Variants in CTNND2 observed in about 807,000 individuals in gnomAD.
CTNND2 encodes the protein catenin delta 2.
CTNND2 carries 22 observed loss-of-function variants against 144.4 expected under a neutral mutation model. That is an observed-to-expected ratio of 0.15 (90% CI 0.11 to 0.22). The LOEUF is 0.22. Among genes scored for constraint, CTNND2 ranks in the 10% least tolerant of loss-of-function variants. CTNND2 has a pLI of 1.00. For missense variants in CTNND2, 1,353 were observed against 1,618.8 expected, an observed-to-expected ratio of 0.84 and a Z score of 2.82; for synonymous variants, 751 against 695.6, an observed-to-expected ratio of 1.08 and a Z score of -1.25.
intron 2 of CTNND2, among the ~76,000 whole-genome samples, chr5:11,730,773 T>C (rs61763028): frequency 0.011 from 1,652 of 152,342 alleles, 35 homozygotes; most frequent in African/African-American, 0.037. Flanking sequence ...AATTACTTTA[T>C]GTCCTTGTGA....
chr5:11,057,749 A>T (rs1289643673), intron 16 of CTNND2, among the ~76,000 whole-genome samples: 1 of 152,236 alleles, frequency 6.6e-6, no homozygotes, highest in Non-Finnish European at 1.5e-5. Flanking sequence ...AGATAGAAAA[A>T]TATGGGAAAG....
At chr5:11,060,805 G>A (rs1746877297) in intron 16 of CTNND2, among the ~76,000 whole-genome samples, 1 of 152,272 alleles carries the variant, frequency 6.6e-6, no homozygotes, top group Non-Finnish European at 1.5e-5. Context: ...TTATTCCAAA[G>A]TAAAAATGAA....
chr5:11,063,545 A>C (rs1747227463), intron 16 of CTNND2, among the ~76,000 whole-genome samples: 1 of 142,082 alleles, frequency 7.0e-6, no homozygotes, highest in African/African-American at 3.0e-5. Context: ...CATAAAATAC[A>C]TTAATCAGGG....
chr5:11,745,851 C>T lies in CTNND2; in HGVS notation c.38-13579G>A, dbSNP rs180868150. Among the ~76,000 whole-genome samples, 8 of 152,224 alleles carry T rather than the reference C, an allele frequency of 5.3e-5. No individual in the cohort carries two copies. In the East Asian group the frequency reaches 1.3e-3, roughly 26 times the overall value. On this transcript the variant is annotated intron_variant, in intron 1 of 21. Transcript: ENST00000304623. The stretch of plus-strand genomic sequence containing the variant: ...ACAGAGGTTTCCAAACTTTCTTTGA[C>T]AGAAAATGTGTTTTAACTCATGGCC...
At chr5:11,186,641 G>A (rs1366404696) in intron 11 of CTNND2, among the ~76,000 whole-genome samples, 1 of 152,214 alleles carries the variant, frequency 6.6e-6, no homozygotes, top group Non-Finnish European at 1.5e-5. Context: ...TGTTGGTCCT[G>A]TTAAAGTAGA....
chr5:11,066,549 T>C (rs529702328), intron 16 of CTNND2, among the ~76,000 whole-genome samples: 1 of 151,024 alleles, frequency 6.6e-6, no homozygotes, highest in East Asian at 2.0e-4. Context: ...ATTTAATTGA[T>C]GTCTCATGCC....
At chr5:11,205,999 A>C (rs1738002749) in intron 10 of CTNND2, among the ~76,000 whole-genome samples, 1 of 152,220 alleles carries the variant, frequency 6.6e-6, no homozygotes, top group South Asian at 2.1e-4. Context: ...TCAGGACTGA[A>C]TGAGATTTCA....
At chr5:11,813,689 T>C (rs1292429983) in intron 1 of CTNND2, among the ~76,000 whole-genome samples, 2 of 152,190 alleles carry the variant, frequency 1.3e-5, no homozygotes, top group Non-Finnish European at 2.9e-5. Context: ...TATTTAGAAA[T>C]TTTTTGTAGA....
At chr5:11,136,748 T>G (rs1756193326) in intron 12 of CTNND2, among the ~76,000 whole-genome samples, 1 of 152,370 alleles carries the variant, frequency 6.6e-6, no homozygotes, top group Middle Eastern at 3.4e-3. Context: ...AAGTCTCATG[T>G]AGCAGCTGCA....
intron 9 of CTNND2, among the ~76,000 whole-genome samples, chr5:11,241,454 GA>G (rs1742442029): frequency 6.6e-6 from 1 of 152,220 alleles, no homozygotes; most frequent in South Asian, 2.1e-4. Context: ...CAGCTTCCCA[GA>G]AATTGGGTTG....
intron 3 of CTNND2, among the ~76,000 whole-genome samples, chr5:11,480,393 G>T (rs1341625633): frequency 1.3e-5 from 2 of 152,168 alleles, no homozygotes; most frequent in Non-Finnish European, 2.9e-5. Context: ...AACACAGACT[G>T]CACTAACTGT....
At chr5:11,853,698 G>T (rs117421508) in intron 1 of CTNND2, among the ~76,000 whole-genome samples, 1 of 152,254 alleles carries the variant, frequency 6.6e-6, no homozygotes, top group East Asian at 1.9e-4. Context: ...GGTGCCAATT[G>T]CATCCCTACA....
chr5:11,587,029 C>A (rs1324809135), intron 2 of CTNND2, among the ~76,000 whole-genome samples: 1 of 152,034 alleles, frequency 6.6e-6, no homozygotes, highest in African/African-American at 2.4e-5. Context: ...AATGAGTTAA[C>A]TTAATTGCGT....
At chr5:11,432,983 G>A (rs1319902015) in intron 3 of CTNND2, among the ~76,000 whole-genome samples, 1 of 152,174 alleles carries the variant, frequency 6.6e-6, no homozygotes, top group African/African-American at 2.4e-5. Context: ...AGTGGCTCAC[G>A]CCTGTAATCC....
At position 10,981,762 on chromosome 5, in the gene CTNND2, A is replaced by G. The variant is rs776498983; in HGVS notation, c.3417+11T>C. ...TGAAAAGGAAATACAAACGTGTTGC[A>G]TTTACTTTACCTGGTTGTGTTTGAT... On this transcript the variant is annotated intron_variant, in intron 21 of 21. Transcript: ENST00000304623. 93 of 1,608,864 alleles carry G rather than the reference A, an allele frequency of 5.8e-5. No individual in the cohort carries two copies. The highest frequency in any genetic ancestry group is 7.0e-5 in the Non-Finnish European group (82 of 1,176,344).
intron 10 of CTNND2, among the ~76,000 whole-genome samples, chr5:11,224,321 C>T (rs1002171875): frequency 2.0e-5 from 3 of 152,118 alleles, no homozygotes; most frequent in Non-Finnish European, 4.4e-5. Context: ...AATATATTGG[C>T]CTCTGGCTGC....
At chr5:10,983,457 A>G (rs1453396293) in intron 20 of CTNND2, among the ~76,000 whole-genome samples, 1 of 152,226 alleles carries the variant, frequency 6.6e-6, no homozygotes, top group Non-Finnish European at 1.5e-5. Flanking sequence ...TAACCTCTCA[A>G]GGTCTAAGTT....
intron 11 of CTNND2, among the ~76,000 whole-genome samples, chr5:11,198,748 T>C (rs1737122686): frequency 6.6e-6 from 1 of 152,226 alleles, no homozygotes; most frequent in African/African-American, 2.4e-5. Flanking sequence ...TGAGGCCACC[T>C]GGGCCATTAG....
chr5:11,322,458 CA>C (rs1752130842), intron 9 of CTNND2, among the ~76,000 whole-genome samples: 1 of 152,088 alleles, frequency 6.6e-6, no homozygotes. Context: ...GAATTGCCTC[CA>C]AAAAAGACTG....
Sources: allele counts gnomAD v4.1 joint callset (sites outside exome capture counted in the v4.1 genomes callset), GRCh38; gene constraint gnomAD v4.1.1; transcripts MANE v1.5; gene names NCBI Gene and HGNC (gene_info 2026-07-23, HGNC 2026-07-21).